The following SMARCA2 variants were observed in gnomAD, a reference collection of about 807,000 sequenced individuals.
SMARCA2 encodes the protein SWI/SNF-related matrix-associated actin-dependent regulator of chromatin subfamily A member 2.
In SMARCA2, 61 loss-of-function variants were observed where a neutral mutation model predicts 199.8. The observed-to-expected ratio is 0.31, with a 90% CI of 0.25 to 0.38. The LOEUF is 0.38. SMARCA2 is among the 10% of genes least tolerant of loss of function. The probability of loss-of-function intolerance (pLI) is 1.00; values close to 1 mark genes in which losing one functional copy is unlikely to be tolerated. For synonymous variants in SMARCA2, 935 were observed against 732.0 expected, an observed-to-expected ratio of 1.28 and a Z score of -4.48; for missense variants, 1,344 against 2,012.2, an observed-to-expected ratio of 0.67 and a Z score of 6.35.
In SMARCA2 at chr9:2,119,170, G is replaced by A. The variant is rs942496900; in HGVS notation, c.3685-288G>A. ...TGACCAATGAGGTCACTGAAGCGAG[G>A]AGACATTAAGTAACTTGTTGTAAAA... On this transcript the variant is annotated intron_variant, in intron 25 of 33. Transcript: ENST00000349721. The surrounding 1 kb of genome is among the most constrained non-coding windows in gnomAD (Gnocchi z 4.6). Among the ~76,000 whole-genome samples the A allele has an allele frequency of 6.6e-6, 1 of 152,154 alleles. No homozygotes were observed. The highest frequency in any genetic ancestry group is 2.4e-5 in the African/African-American group (1 of 41,432).
intron 29 of SMARCA2, among the ~76,000 whole-genome samples, chr9:2,178,189 C>T (rs550784802): frequency 6.6e-6 from 1 of 151,926 alleles, no homozygotes; most frequent in South Asian, 2.1e-4. Context: ...TGTTCACTTC[C>T]ATGAAGAGGA....
chr9:2,161,762 A>G lies in SMARCA2; in HGVS notation c.4058A>G (p.Asp1353Gly). The G allele has an allele frequency of 2.5e-6, 4 of 1,614,116 alleles. No homozygotes were observed. The highest frequency in any genetic ancestry group is 3.4e-6 in the Non-Finnish European group (4 of 1,179,980). Residue 1353 changes from aspartate to glycine, a missense_variant, in exon 28 of 34, where the codon GAT becomes GGT. Asp to Gly is a moderately conservative substitution (Grantham distance 94, BLOSUM62 -1). Coordinates refer to ENST00000349721, the MANE Select transcript of SMARCA2 (RefSeq NM_003070.5). The surrounding 1 kb of genome is among the most constrained non-coding windows in gnomAD (Gnocchi z 4.7). The stretch of plus-strand genomic sequence containing the variant: ...AAGCGAAAAAGACGAAGAAATGTGG[A>G]TAAAGATCCTGCAAAAGAAGATGTG... ...LKKRKRRRNV[D>G]KDPAKEDVEK...
At chr9:2,060,102 A>G (rs1820516889) in intron 8 of SMARCA2, among the ~76,000 whole-genome samples, 1 of 124,314 alleles carries the variant, frequency 8.0e-6, no homozygotes, top group Non-Finnish European at 1.6e-5. Context: ...CCCATTACTC[A>G]GTGCAGATCT....
intron 26 of SMARCA2, among the ~76,000 whole-genome samples, chr9:2,122,202 G>A (rs1474881802): frequency 1.3e-5 from 2 of 152,154 alleles, no homozygotes; most frequent in African/African-American, 4.8e-5. Context: ...CAAGAATAAT[G>A]TCCATAGAAA....
At chr9:2,089,225 T>A (rs1296037598) in intron 19 of SMARCA2, among the ~76,000 whole-genome samples, 1 of 152,166 alleles carries the variant, frequency 6.6e-6, no homozygotes, top group African/African-American at 2.4e-5. Flanking sequence ...CTGCAGTACT[T>A]TAGAACACCT....
In SMARCA2 at chr9:2,160,304, G is replaced by A. The variant is rs1586770609; in HGVS notation, c.3982-1382G>A. 7.1e-6 allele frequency: 3 copies of A among 422,142 alleles called. No individual in the cohort carries two copies. In the East Asian group the frequency reaches 1.1e-4, roughly 15 times the overall value. The allele number at this position is 422,142 out of a possible 1,614,324, so 26.1% of individuals were successfully genotyped here. ...ATCTGAACACTGTAGGATCGTGATG[G>A]AAATTGTCTTTTGATTATTAAGGCC... On this transcript the variant is annotated intron_variant, in intron 27 of 33. Transcript: ENST00000349721.
chr9:2,185,538 C>A (rs1468328218), intron 31 of SMARCA2, among the ~76,000 whole-genome samples: 1 of 152,140 alleles, frequency 6.6e-6, no homozygotes, highest in Non-Finnish European at 1.5e-5. Flanking sequence ...AGTGGGGCTG[C>A]TGGATCATAT....
chr9:2,109,354 C>T (rs1295528586), intron 23 of SMARCA2, among the ~76,000 whole-genome samples: 1 of 151,878 alleles, frequency 6.6e-6, no homozygotes, highest in African/African-American at 2.4e-5. Flanking sequence ...TCCCCTTCCA[C>T]AATGCATTTC....
chr9:2,181,108 ATTATT>A (rs1378505603), intron 29 of SMARCA2: 1 of 153,684 alleles, frequency 6.5e-6, no homozygotes, highest in Non-Finnish European at 1.4e-5. Context: ...ATTCTAACAT[ATTATT>A]TTGAGTTACT....
intron 31 of SMARCA2, 33 bp downstream of exon 31, chr9:2,182,275 A>C (rs772416434): frequency 7.8e-7 from 1 of 1,277,398 alleles, no homozygotes; most frequent in Admixed American, 1.9e-5. Context: ...AAAGTTCTTA[A>C]CTGTAAATGT....
Position 2,086,768 on chromosome 9 carries a change from G to C in SMARCA2, c.2527-61G>C, listed in dbSNP as rs1438080851. On this transcript the variant is annotated intron_variant, in intron 17 of 33. Coordinates refer to ENST00000349721, the MANE Select transcript of SMARCA2 (RefSeq NM_003070.5). The surrounding 1 kb of genome is among the most constrained non-coding windows in gnomAD (Gnocchi z 4.3). ...TGGTTTTCCGCACCACCACTTGCTT[G>C]TTGGAAATAGTTGTATTTTCCCTTG... 1.9e-6 allele frequency: 3 copies of C among 1,592,944 alleles called. No homozygotes were observed. The highest frequency in any genetic ancestry group is 1.7e-5 in the Admixed American group (1 of 59,576).
chr9:2,096,038 C>T (rs1397147833), intron 19 of SMARCA2, among the ~76,000 whole-genome samples: 1 of 152,168 alleles, frequency 6.6e-6, no homozygotes, highest in Non-Finnish European at 1.5e-5. Flanking sequence ...GCACAGGAGG[C>T]CTTGTCCTCC....
chr9:2,159,789 C>A, intron 27 of SMARCA2: 1 of 1,599,488 alleles, frequency 6.3e-7, no homozygotes, highest in Middle Eastern at 1.7e-4. Flanking sequence ...AGCCTTTCCC[C>A]AGCTCTCTTT....
At chr9:2,190,686 C>T (rs1827817639) in intron 32 of SMARCA2, among the ~76,000 whole-genome samples, 1 of 151,920 alleles carries the variant, frequency 6.6e-6, no homozygotes, top group Admixed American at 6.6e-5. Flanking sequence ...CAGGTATGGA[C>T]ATAAACATTT....
At chr9:2,102,724 C>G (rs1248479226) in intron 22 of SMARCA2, among the ~76,000 whole-genome samples, 1 of 152,160 alleles carries the variant, frequency 6.6e-6, no homozygotes, top group South Asian at 2.1e-4. Flanking sequence ...TAATCCAAGA[C>G]TCTTGTCCTC....
At chr9:2,045,593 C>A (rs1819801512) in intron 4 of SMARCA2, 1 of 151,808 alleles carries the variant, frequency 6.6e-6, no homozygotes, top group Non-Finnish European at 1.5e-5. Flanking sequence ...CATAAAGGAC[C>A]TTTTATACAG....
chr9:2,040,028 C>G, intron 4 of SMARCA2, 128 bp downstream of exon 4: 13 of 1,484,250 alleles, frequency 8.8e-6, no homozygotes, highest in Non-Finnish European at 1.2e-5. Flanking sequence ...CACTGGCTCT[C>G]TATCCTTGCT....
At chr9:2,149,397 G>A (rs946315996) in intron 27 of SMARCA2, among the ~76,000 whole-genome samples, 18 of 151,374 alleles carry the variant, frequency 1.2e-4, no homozygotes, top group East Asian at 5.8e-4. Flanking sequence ...GTGGGTGCCC[G>A]TAATCCAAGC....
chr9:2,127,135 A>C (rs1411167716), intron 27 of SMARCA2, among the ~76,000 whole-genome samples: 1 of 151,708 alleles, frequency 6.6e-6, no homozygotes, highest in Non-Finnish European at 1.5e-5. Context: ...GATAAATATT[A>C]ATTGCACTTT....
Sources: allele counts gnomAD v4.1 joint callset (sites outside exome capture counted in the v4.1 genomes callset), GRCh38; gene constraint gnomAD v4.1.1; non-coding constraint Gnocchi (gnomAD v3.1); transcripts MANE v1.5; gene names NCBI Gene and HGNC (gene_info 2026-07-23, HGNC 2026-07-21).